The following PARP16 variants were observed in gnomAD, a reference collection of about 807,000 sequenced individuals.
PARP16 encodes the protein protein mono-ADP-ribosyltransferase PARP16.
Under a neutral mutation model 35.0 loss-of-function variants are expected in PARP16, and 31 were observed. The observed-to-expected ratio is 0.88, with a 90% CI of 0.66 to 1.19. PARP16 has a LOEUF of 1.19. Ranked by LOEUF, PARP16 falls within the 50% of genes most tolerant of loss-of-function variation. The pLI, the probability that PARP16 is intolerant of heterozygous loss-of-function variation, is 0.00. For missense variants in PARP16, 424 were observed against 411.2 expected (o/e 1.03, Z -0.27); for synonymous variants, 162 against 169.5 (o/e 0.96, Z 0.34).
intron 3 of PARP16, among the ~76,000 whole-genome samples, chr15:65,235,982 C>T (rs1425227746): frequency 6.6e-6 from 1 of 151,646 alleles, no homozygotes; most frequent in Non-Finnish European, 1.5e-5. Flanking sequence ...CTCAGCCTCC[C>T]AAGTAGCTGG....
At chr15:65,240,276 C>A (rs2089022212) in intron 3 of PARP16, among the ~76,000 whole-genome samples, 1 of 150,672 alleles carries the variant, frequency 6.6e-6, no homozygotes, top group South Asian at 2.1e-4. Context: ...TAGCTTGGCG[C>A]CCGCCACCAC....
chr15:65,241,001 T>G (rs1026603891), intron 3 of PARP16, among the ~76,000 whole-genome samples: 8 of 151,504 alleles, frequency 5.3e-5, no homozygotes, highest in African/African-American at 1.9e-4. Context: ...CCTGGATAAT[T>G]TTTTGTATTT....
At chr15:65,271,862 T>A (rs1015662370) in intron 1 of PARP16, among the ~76,000 whole-genome samples, 59 of 152,196 alleles carry the variant, frequency 3.9e-4, no homozygotes, top group Non-Finnish European at 1.0e-4. Flanking sequence ...GTATGACAAC[T>A]ACATACGTAA....
chr15:65,260,748 C>T lies in PARP16; in HGVS notation c.833+137G>A, dbSNP rs898338135. 20 of 734,954 alleles carry T rather than the reference C, an allele frequency of 2.7e-5. No individual in the cohort carries two copies. In the African/African-American group the frequency reaches 3.0e-4, roughly 11 times the overall value. The allele number at this position is 734,954 out of a possible 1,614,324, so 45.5% of individuals were successfully genotyped here. A position where few individuals can be genotyped will look rare whatever the true frequency, so the allele number is the denominator to read the frequency against. On this transcript the variant is annotated intron_variant, in intron 5 of 5. Coordinates refer to ENST00000649807, the MANE Select transcript of PARP16 (RefSeq NM_001316943.2). ...TCTCCAGATCCTATCTCTCACTTCT[C>T]ACCGTGTCCAGCATGGTGCTTTACA...
intron 2 of PARP16, chr15:65,248,347 G>A (rs80035906): frequency 0.017 from 7,627 of 451,946 alleles, 105 homozygotes; most frequent in Non-Finnish European, 0.027. Flanking sequence ...TGCTTTCAGA[G>A]GCTCACTGAC....
rs375010138 is a variant in PARP16 at position 65,263,308 on chromosome 15, C to T, written c.532G>A (p.Gly178Arg). ...TCACTGGTGAGGTAGGTCCCCTCTC[C>T]GAACAAGGATGTCTGCAACAGCAAG... ...HCHLNKTSLFGEGTYLTSDLS... is the reference protein window; with the variant it reads ...HCHLNKTSLFREGTYLTSDLS... The change falls in exon 4 of 6, where the codon GGA (glycine) becomes AGA (arginine). Residue 178 changes from glycine to arginine, a missense_variant. Physicochemically the swap from Gly to Arg is moderately radical, Grantham distance 125. Transcript: ENST00000649807. 34 of 1,586,920 alleles carry T rather than the reference C, an allele frequency of 2.1e-5. No individual in the cohort carries two copies. Among genetic ancestry groups the T allele is most frequent in the Admixed American group, 1.4e-4 (8 of 55,388 alleles).
At chr15:65,263,069 C>G in intron 4 of PARP16, 80 bp downstream of exon 4, 1 of 1,353,794 alleles carries the variant, frequency 7.4e-7, no homozygotes, top group African/African-American at 1.4e-5. Context: ...AATGGGTGCT[C>G]TACCCAACAG....
chr15:65,259,302 A>G lies in PARP16; in HGVS notation c.*105T>C, dbSNP rs1326890490. 1.2e-5 allele frequency: 13 copies of G among 1,115,868 alleles called. No individual in the cohort carries two copies. The highest frequency in any genetic ancestry group is 1.6e-5 in the Non-Finnish European group (12 of 750,306). The allele number at this position is 1,115,868 out of a possible 1,614,324, so 69.1% of individuals were successfully genotyped here. A position where few individuals can be genotyped will look rare whatever the true frequency, so the allele number is the denominator to read the frequency against. The stretch of plus-strand genomic sequence containing the variant: ...ATGAAAATTGTCCTGTGGTCCCCCA[A>G]CTGGCCCCTAGGCTCAACCTGGCTG... On this transcript the variant is annotated 3_prime_UTR_variant, in exon 6 of 6. Transcript: ENST00000649807.
intron 3 of PARP16, among the ~76,000 whole-genome samples, chr15:65,264,062 G>A (rs1011806781): frequency 1.3e-5 from 2 of 152,134 alleles, no homozygotes. Flanking sequence ...AACAAAATGA[G>A]GGAGGCCGAC....
At chr15:65,262,528 G>A (rs1322252089) in intron 4 of PARP16, among the ~76,000 whole-genome samples, 1 of 152,152 alleles carries the variant, frequency 6.6e-6, no homozygotes, top group African/African-American at 2.4e-5. Context: ...AAGGCAAATA[G>A]TCTCAGGGAC....
Position 65,270,958 on chromosome 15 carries a change from T to C in PARP16, c.289A>G (p.Ile97Val), listed in dbSNP as rs770995668. 7 of 1,614,046 alleles carry C rather than the reference T, an allele frequency of 4.3e-6. No individual in the cohort carries two copies. In the African/African-American group the frequency reaches 5.3e-5, roughly 12 times the overall value. Residue 97 changes from isoleucine (I) to valine (V), a missense_variant, in exon 2 of 6, where the codon ATC becomes GTC. Physicochemically the swap from Ile to Val is conservative, Grantham distance 29. Coordinates refer to ENST00000649807, the MANE Select transcript of PARP16 (RefSeq NM_001316943.2). ...ACCTCTGCCTTCCCTGCACTGTGGA[T>C]TGTCAGGACCTTTGAGGATAAAATC... ...SWILSSKVLT[I>V]HSAGKAEFEK...
chr15:65,233,490 G>A (rs2088808312), downstream of PARP16, among the ~76,000 whole-genome samples: 1 of 152,140 alleles, frequency 6.6e-6, no homozygotes, highest in Non-Finnish European at 1.5e-5. Flanking sequence ...TGTAATCCCA[G>A]TACTTTGGGA....
chr15:65,260,383 G>C (rs1256217297), intron 5 of PARP16, among the ~76,000 whole-genome samples: 2 of 152,094 alleles, frequency 1.3e-5, no homozygotes, highest in African/African-American at 4.8e-5. Flanking sequence ...AGCTGATAAG[G>C]TCTGAAGGCC....
intron 3 of PARP16, among the ~76,000 whole-genome samples, chr15:65,244,942 A>G (rs1316397095): frequency 6.6e-6 from 1 of 152,202 alleles, no homozygotes; most frequent in African/African-American, 2.4e-5. Flanking sequence ...GCCAACTGCA[A>G]AGCCAGGCCA....
intron 1 of PARP16, among the ~76,000 whole-genome samples, chr15:65,276,981 T>TA (rs566620242): frequency 0.078 from 10,899 of 139,650 alleles, 484 homozygotes; most frequent in Non-Finnish European, 0.11. Context: ...AAACTTCATC[T>TA]AAAAAAAAAA....
Position 65,259,506 on chromosome 15 carries a change from C to A in PARP16, c.870G>T (p.Trp290Cys). 6.2e-7 allele frequency: 1 copy of A among 1,614,044 alleles called. No homozygotes were observed. Among genetic ancestry groups the A allele is most frequent in the Non-Finnish European group, 8.5e-7 (1 of 1,179,906 alleles). ...SSQLSWFSSH[W>C]FTVMISLYLL... ...GATACAGGGATATCATGACGGTAAACCAATGGCTGGAAAACCAGGAGAGCT... is the reference window on the plus strand; with the variant it reads ...GATACAGGGATATCATGACGGTAAAACAATGGCTGGAAAACCAGGAGAGCT... The change falls in exon 6 of 6, where the codon TGG becomes TGT. Residue 290 changes from tryptophan (W) to cysteine (C), a missense_variant. Physicochemically the swap from Trp to Cys is radical, Grantham distance 215. Transcript: ENST00000649807.
intron 1 of PARP16, among the ~76,000 whole-genome samples, chr15:65,282,224 G>A (rs1419369612): frequency 6.6e-6 from 1 of 152,072 alleles, no homozygotes; most frequent in Non-Finnish European, 1.5e-5. Context: ...TGTTGCCCAG[G>A]CTGCTTTCAA....
At chr15:65,261,492 T>C (rs1347526790) in intron 4 of PARP16, among the ~76,000 whole-genome samples, 1 of 151,482 alleles carries the variant, frequency 6.6e-6, no homozygotes, top group Non-Finnish European at 1.5e-5. Context: ...TCTTGCTTTT[T>C]TCGTCCAGGC....
At chr15:65,231,985 T>C (rs867798913), downstream of PARP16, among the ~76,000 whole-genome samples, 4 of 152,166 alleles carry the variant, frequency 2.6e-5, no homozygotes, top group South Asian at 8.3e-4. Flanking sequence ...TTTTTAAAAA[T>C]TTTTAGTGCC....
Sources: gnomAD v4.1 joint callset for allele counts (sites outside exome capture counted in the v4.1 genomes callset) on GRCh38, gnomAD v4.1.1 for gene constraint, MANE v1.5 for transcripts, NCBI Gene and HGNC (gene_info 2026-07-23, HGNC 2026-07-21) for gene names.